LHFPL5: variants seen among roughly 807,000 people sequenced by gnomAD.
The protein encoded by LHFPL5 is LHFPL tetraspan subfamily member 5, also known as LHFPL tetraspan subfamily member 5 protein.
Under a neutral mutation model 18.7 loss-of-function variants are expected in LHFPL5, and 12 were observed. That is an observed-to-expected ratio of 0.64 (90% confidence interval 0.41 to 1.04). The LOEUF (loss-of-function observed/expected upper bound fraction) is 1.04, where lower values mean the gene tolerates loss of function less well. LHFPL5 is among the 50% of genes least tolerant of loss of function. The pLI, the probability that LHFPL5 is intolerant of heterozygous loss-of-function variation, is 0.00. For missense variants in LHFPL5, 259 were observed against 292.1 expected, an observed-to-expected ratio of 0.89 and a Z score of 0.83; for synonymous variants, 111 against 120.2, an observed-to-expected ratio of 0.92 and a Z score of 0.50.
intron 2 of LHFPL5, 118 bp from the exon 3 acceptor site, chr6:35,819,319 G>T: frequency 2.1e-6 from 2 of 935,872 alleles, no homozygotes; most frequent in Non-Finnish European, 1.7e-6. Context: ...ACAAAAAAGT[G>T]CAAGCTTTCT....
Position 35,805,404 on chromosome 6 carries a change from C to T in LHFPL5, c.-267C>T, listed in dbSNP as rs2151068595. The T allele has an allele frequency of 2.0e-6, 1 of 491,196 alleles. No individual in the cohort carries two copies. Among genetic ancestry groups the T allele is most frequent in the South Asian group, 2.3e-5 (1 of 43,428 alleles). The allele number at this position is 491,196 out of a possible 1,614,324, so 30.4% of individuals were successfully genotyped here. A position where few individuals can be genotyped will look rare whatever the true frequency, so the allele number is the denominator to read the frequency against. On this transcript the variant is annotated 5_prime_UTR_variant, in exon 1 of 4. Transcript: ENST00000360215. The surrounding 1 kb of genome is among the most constrained non-coding windows in gnomAD (Gnocchi z 4.3). ...AGACGGGCAGGGCGGCGCCAGCAGG[C>T]CCTGGTGGGCTTGGGAGGAGGCAGG...
At chr6:35,815,186 A>G (rs1768738117) in intron 2 of LHFPL5, among the ~76,000 whole-genome samples, 1 of 152,096 alleles carries the variant, frequency 6.6e-6, no homozygotes, top group South Asian at 2.1e-4. Flanking sequence ...CCTTGAGAAC[A>G]GGCCAATGAG....
Position 35,821,857 on chromosome 6 carries a change from A to ATTTTTTTTTTTTTTTTTTTTTTTTTT in LHFPL5, c.*17-1116_*17-1091dup, listed in dbSNP as rs763639486. ...AACTCCACAGCACTGGTGTACCACA[A>ATTTTTTTTTTTTTTTTTTTTTTTTTT]TTTTTTTTTTTTTTTTTTTTTTTTT... On this transcript the variant is annotated intron_variant, in intron 3 of 3. Coordinates refer to ENST00000360215, the MANE Select transcript of LHFPL5 (RefSeq NM_182548.4). Among the ~76,000 whole-genome samples the ATTTTTTTTTTTTTTTTTTTTTTTTTT allele has an allele frequency of 5.1e-5, 2 of 39,164 alleles. 1 individual carries two copies. The highest frequency in any genetic ancestry group is 9.4e-5 in the Non-Finnish European group (2 of 21,300). The allele number at this position is 39,164 out of a possible 152,430, so 25.7% of individuals were successfully genotyped here.
intron 1 of LHFPL5, among the ~76,000 whole-genome samples, chr6:35,807,896 G>A (rs1406149769): frequency 6.6e-6 from 1 of 152,092 alleles, no homozygotes; most frequent in Non-Finnish European, 1.5e-5. Context: ...ATATCTGGAG[G>A]AGCCCCAGCA....
In LHFPL5 at chr6:35,823,477, A is replaced by ACACACT. The variant is rs1554147856; in HGVS notation, c.*513_*514insACACTC. ...CACACACACACACACACACACACAC[A>ACACACT]CTCTCTCTCTCTCTCAAACACACAC... On this transcript the variant is annotated 3_prime_UTR_variant, in exon 4 of 4. Coordinates refer to ENST00000360215, the MANE Select transcript of LHFPL5 (RefSeq NM_182548.4). The ACACACT allele has an allele frequency of 6.7e-4, 94 of 140,834 alleles. 2 individuals are homozygous for ACACACT. Among genetic ancestry groups the ACACACT allele is most frequent in the African/African-American group, 2.3e-3 (85 of 36,580 alleles). 8.7% of individuals were successfully genotyped at this position (140,834 alleles called of 1,614,324 possible).
chr6:35,820,428 C>T (rs1390827509), intron 3 of LHFPL5, among the ~76,000 whole-genome samples: 5 of 152,172 alleles, frequency 3.3e-5, no homozygotes, highest in Non-Finnish European at 7.3e-5. Context: ...GGACCGGGCG[C>T]GGTGACTCAC....
chr6:35,813,054 C>CAAA (rs1207945675), intron 1 of LHFPL5, among the ~76,000 whole-genome samples: 2 of 148,738 alleles, frequency 1.3e-5, no homozygotes, highest in African/African-American at 2.5e-5. Flanking sequence ...GACTCTGTCT[C>CAAA]AAAAAAAAAG....
intron 1 of LHFPL5, among the ~76,000 whole-genome samples, chr6:35,813,836 GCT>G (rs1768713130): frequency 1.8e-5 from 2 of 108,514 alleles, no homozygotes; most frequent in Admixed American, 1.4e-4. Context: ...CGCTCTTGTT[GCT>G]CAGGCTGGAG....
intron 1 of LHFPL5, among the ~76,000 whole-genome samples, chr6:35,806,546 C>G (rs1768571683): frequency 6.6e-6 from 1 of 152,170 alleles, no homozygotes; most frequent in Non-Finnish European, 1.5e-5. Flanking sequence ...TCTCCCACCT[C>G]TGGGCTTTTG....
intron 1 of LHFPL5, among the ~76,000 whole-genome samples, chr6:35,812,930 C>A (rs1768691291): frequency 6.6e-6 from 1 of 152,078 alleles, no homozygotes; most frequent in Non-Finnish European, 1.5e-5. Context: ...TGGTACATGC[C>A]TGTAATCCCA....
At chr6:35,819,493 G>A (rs202087913) in intron 3 of LHFPL5, 30 bp downstream of exon 3, 2 of 1,608,162 alleles carry the variant, frequency 1.2e-6, no homozygotes, top group African/African-American at 1.3e-5. Flanking sequence ...GGTGGTCTGC[G>A]TGCCCTTAGA....
intron 1 of LHFPL5, among the ~76,000 whole-genome samples, chr6:35,813,216 C>A (rs1768697725): frequency 1.3e-5 from 2 of 151,294 alleles, no homozygotes; most frequent in Non-Finnish European, 2.9e-5. Context: ...ATTATTGAAC[C>A]CAACCATGAC....
intron 2 of LHFPL5, among the ~76,000 whole-genome samples, chr6:35,818,343 ATATATGTAT>A (rs1439536323): frequency 2.2e-3 from 16 of 7,330 alleles, no homozygotes; most frequent in Admixed American, 5.9e-3. Context: ...ATATATATAT[ATATATGTAT>A]TTTTTTTTTT....
Position 35,821,137 on chromosome 6 carries a change from C to T in LHFPL5, c.*16+1674C>T, listed in dbSNP as rs376326479. Among the ~76,000 whole-genome samples the T allele has an allele frequency of 8.9e-4, 135 of 152,138 alleles. 4 individuals carry two copies. In the South Asian group the frequency reaches 0.024, roughly 27 times the overall value. ...TGGCCAACATTGGGAAACCCCATCT[C>T]TACCAAAAATACAAAAATTAGCTGG... On this transcript the variant is annotated intron_variant, in intron 3 of 3. Coordinates refer to ENST00000360215, the MANE Select transcript of LHFPL5 (RefSeq NM_182548.4).
At chr6:35,817,339 GA>G (rs1456449003) in intron 2 of LHFPL5, among the ~76,000 whole-genome samples, 14 of 151,696 alleles carry the variant, frequency 9.2e-5, no homozygotes, top group Admixed American at 7.9e-4. Context: ...AATCTTAAAA[GA>G]AAAAAATAGA....
intron 1 of LHFPL5, among the ~76,000 whole-genome samples, chr6:35,808,299 A>G (rs557581945): frequency 6.4e-5 from 9 of 139,644 alleles, no homozygotes; most frequent in Non-Finnish European, 1.1e-4. Flanking sequence ...TCTCTATTTT[A>G]TATATATATA....
chr6:35,813,651 G>A (rs1768708468), intron 1 of LHFPL5, among the ~76,000 whole-genome samples: 1 of 152,122 alleles, frequency 6.6e-6, no homozygotes, highest in African/African-American at 2.4e-5. Flanking sequence ...GAAGGAAGCA[G>A]CCAGGGACAG....
chr6:35,809,543 A>T (rs1318814908), intron 1 of LHFPL5, among the ~76,000 whole-genome samples: 1 of 152,162 alleles, frequency 6.6e-6, no homozygotes, highest in Non-Finnish European at 1.5e-5. Context: ...GATTATTTTT[A>T]CCCAGGCTGG....
chr6:35,815,833 C>A (rs1446232067), intron 2 of LHFPL5, among the ~76,000 whole-genome samples: 1 of 152,156 alleles, frequency 6.6e-6, no homozygotes, highest in Non-Finnish European at 1.5e-5. Flanking sequence ...AACATTTCAT[C>A]CTTCTTTGGG....
Sources: gnomAD v4.1 joint callset for allele counts (sites outside exome capture counted in the v4.1 genomes callset) on GRCh38, gnomAD v4.1.1 for gene constraint, Gnocchi (gnomAD v3.1) non-coding constraint, MANE v1.5 for transcripts, NCBI Gene and HGNC (gene_info 2026-07-23, HGNC 2026-07-21) for gene names.